PCDHGB6: variants seen among roughly 807,000 people sequenced by gnomAD.
PCDHGB6 encodes protocadherin gamma subfamily B, 6.
In PCDHGB6, 51 loss-of-function variants were observed where a neutral mutation model predicts 59.1. The observed-to-expected ratio is 0.86, with a 90% CI of 0.69 to 1.09. PCDHGB6 has a LOEUF of 1.09. Ranked by LOEUF, PCDHGB6 falls within the 50% of genes least tolerant of loss-of-function variation. The pLI, the probability that PCDHGB6 is intolerant of heterozygous loss-of-function variation, is 0.00. For synonymous variants in PCDHGB6, 466 were observed against 495.1 expected (o/e 0.94, Z 0.78); for missense variants, 1,148 against 1,205.1 (o/e 0.95, Z 0.70).
chr5:141,477,191 A>C lies in PCDHGB6; in HGVS notation c.2419-17616A>C. 1 of 1,614,210 alleles carries C rather than the reference A, an allele frequency of 6.2e-7. No individual in the cohort carries two copies. The highest frequency in any genetic ancestry group is 1.1e-5 in the South Asian group (1 of 91,086). ...GGAGATCACAGTCACCTCCGTGTAC[A>C]GCCCAGTACCCGAGGATGCCCCTCT... On this transcript the variant is annotated intron_variant, in intron 1 of 3. Coordinates refer to ENST00000520790, the MANE Select transcript of PCDHGB6 (RefSeq NM_018926.3). This position sits in a 1 kb window ranked among gnomAD's most constrained non-coding sequence, Gnocchi z 4.9.
intron 1 of PCDHGB6, among the ~76,000 whole-genome samples, chr5:141,480,259 G>A (rs1285833242): frequency 2.0e-5 from 3 of 151,174 alleles, no homozygotes; most frequent in African/African-American, 7.3e-5. Flanking sequence ...AAAAAAATGT[G>A]TTTTCATTAG....
Position 141,493,359 on chromosome 5 carries a change from G to A in PCDHGB6, c.2419-1448G>A, listed in dbSNP as rs956980110. Among the ~76,000 whole-genome samples the A allele has an allele frequency of 2.6e-5, 4 of 152,148 alleles. No homozygotes were observed. The highest frequency in any genetic ancestry group is 9.7e-5 in the African/African-American group (4 of 41,418). ...CCAGAATGTGTGCTTTTAATTTCTT[G>A]GCACTTGGAACTTTAAAAGCTTGAG... On this transcript the variant is annotated intron_variant, in intron 1 of 3. Transcript: ENST00000520790. This position sits in a 1 kb window ranked among gnomAD's most constrained non-coding sequence, Gnocchi z 4.3.
chr5:141,423,985 C>T (rs1334591897), intron 1 of PCDHGB6: 2 of 1,100,512 alleles, frequency 1.8e-6, no homozygotes, highest in Non-Finnish European at 2.2e-6. Flanking sequence ...ATGAGGCTCT[C>T]AATTTATTAT....
intron 1 of PCDHGB6, among the ~76,000 whole-genome samples, chr5:141,443,812 G>A (rs1441798548): frequency 6.6e-6 from 1 of 151,990 alleles, no homozygotes; most frequent in Admixed American, 6.6e-5. Flanking sequence ...AGTTACCTTT[G>A]GAAAACATAA....
chr5:141,415,740 G>GTTTTTTTTTTTTTTTTTTTTT (rs57426385), intron 1 of PCDHGB6: 5 of 625,024 alleles, frequency 8.0e-6, no homozygotes, highest in Non-Finnish European at 8.5e-6. Flanking sequence ...GTTTATTAAG[G>GTTTTTTTTTTTTTTTTTTTTT]TTTTTTTTTT....
At chr5:141,423,750 T>TGGGG (rs144521096) in intron 1 of PCDHGB6, 28 of 288,222 alleles carry the variant, frequency 9.7e-5, no homozygotes, top group Non-Finnish European at 1.2e-4. Flanking sequence ...GAAAACTGTT[T>TGGGG]GGGGGGGGGG....
chr5:141,415,482 G>C, intron 1 of PCDHGB6: 1 of 1,614,218 alleles, frequency 6.2e-7, no homozygotes, highest in Non-Finnish European at 8.5e-7. Context: ...ACTCGCGAAA[G>C]AGTCACCTGA....
intron 1 of PCDHGB6, chr5:141,420,181 T>C (rs1590216182): frequency 6.2e-7 from 1 of 1,613,998 alleles, no homozygotes; most frequent in Non-Finnish European, 8.5e-7. Context: ...TTGATCATTG[T>C]CCAGCCACAC....
chr5:141,471,080 C>T (rs2099249652), intron 1 of PCDHGB6, among the ~76,000 whole-genome samples: 1 of 147,610 alleles, frequency 6.8e-6, no homozygotes, highest in African/African-American at 2.5e-5. Context: ...ACAGGGTCTC[C>T]CTCTGTTGTC....
Position 141,489,384 on chromosome 5 carries a change from T to C in PCDHGB6, c.2419-5423T>C, listed in dbSNP as rs2099686499. The stretch of plus-strand genomic sequence containing the variant: ...AGCCGGGGACGCTGGTGGGGAATGT[T>C]GCTCAGGATCTGGGCTTAAAGATGA... On this transcript the variant is annotated intron_variant, in intron 1 of 3. Transcript: ENST00000520790. The surrounding 1 kb of genome is among the most constrained non-coding windows in gnomAD (Gnocchi z 4.5). 1 of 1,613,986 alleles carries C rather than the reference T, an allele frequency of 6.2e-7. No individual in the cohort carries two copies. The highest frequency in any genetic ancestry group is 8.5e-7 in the Non-Finnish European group (1 of 1,179,842).
rs148641580 is a variant in PCDHGB6 at position 141,437,874 on chromosome 5, A to C, written c.2418+27254A>C. 3.9e-4 allele frequency among the ~76,000 whole-genome samples: 59 copies of C among 151,954 alleles called. 1 individual carries two copies. In the East Asian group the frequency reaches 5.8e-3, roughly 15 times the overall value. Reference sequence around the variant, plus strand: ...TGCCTTAGCCTCCCGAGTAGCTGGGACTACAGGCACACGCCACCACACCCA... The same window carrying C: ...TGCCTTAGCCTCCCGAGTAGCTGGGCCTACAGGCACACGCCACCACACCCA... On this transcript the variant is annotated intron_variant, in intron 1 of 3. Transcript: ENST00000520790.
intron 1 of PCDHGB6, chr5:141,440,587 A>G (rs566819394): frequency 1.3e-5 from 2 of 152,392 alleles, no homozygotes; most frequent in East Asian, 3.9e-4. Flanking sequence ...CCCAGCTGGA[A>G]CAAGATTTGC....
chr5:141,414,318 G>A (rs1212643655), intron 1 of PCDHGB6: 1 of 1,613,772 alleles, frequency 6.2e-7, no homozygotes, highest in Non-Finnish European at 8.5e-7. Context: ...TAGACTCTGA[G>A]CAGAATGGAC....
intron 1 of PCDHGB6, among the ~76,000 whole-genome samples, chr5:141,447,303 C>G (rs1328783075): frequency 6.6e-6 from 1 of 151,990 alleles, no homozygotes; most frequent in Non-Finnish European, 1.5e-5. Context: ...CCACACCCGG[C>G]TAATTTTTGT....
At chr5:141,447,798 A>G (rs2098551922) in intron 1 of PCDHGB6, among the ~76,000 whole-genome samples, 2 of 152,230 alleles carry the variant, frequency 1.3e-5, no homozygotes, top group Admixed American at 1.3e-4. Context: ...TTAAGAAAAT[A>G]AAATTGGCTG....
At chr5:141,421,964 C>A (rs772274014) in intron 1 of PCDHGB6, 3 of 1,611,350 alleles carry the variant, frequency 1.9e-6, no homozygotes, top group Non-Finnish European at 2.5e-6. Flanking sequence ...TTTACACAGT[C>A]CGTATATCGC....
intron 1 of PCDHGB6, chr5:141,421,806 A>G: frequency 6.2e-7 from 1 of 1,613,842 alleles, no homozygotes; most frequent in Non-Finnish European, 8.5e-7. Context: ...CCAAGAATCC[A>G]GAGCTAGTAC....
chr5:141,476,142 G>T lies in PCDHGB6; in HGVS notation c.2419-18665G>T. 6.2e-7 allele frequency: 1 copy of T among 1,610,446 alleles called. No individual in the cohort carries two copies. Among genetic ancestry groups the T allele is most frequent in the South Asian group, 1.1e-5 (1 of 90,868 alleles). On this transcript the variant is annotated intron_variant, in intron 1 of 3. Coordinates refer to ENST00000520790, the MANE Select transcript of PCDHGB6 (RefSeq NM_018926.3). The surrounding 1 kb of genome is among the most constrained non-coding windows in gnomAD (Gnocchi z 7.6). Reference sequence around the variant, plus strand: ...ATGGTCCCAGAGGCCTGGAGGAGCGGACTGGTAAGCACCGGGAGGGTAGTG... The same window carrying T: ...ATGGTCCCAGAGGCCTGGAGGAGCGTACTGGTAAGCACCGGGAGGGTAGTG...
intron 1 of PCDHGB6, chr5:141,428,239 G>T (rs1183885220): frequency 3.0e-6 from 3 of 997,526 alleles, no homozygotes; most frequent in Non-Finnish European, 4.6e-6. Flanking sequence ...CCTGCAGGAG[G>T]CACTGCCAGA....
Sources: allele counts gnomAD v4.1 joint callset (sites outside exome capture counted in the v4.1 genomes callset), GRCh38; gene constraint gnomAD v4.1.1; non-coding constraint Gnocchi (gnomAD v3.1); transcripts MANE v1.5; gene names NCBI Gene and HGNC (gene_info 2026-07-23, HGNC 2026-07-21).